Variants in DIAPH3 observed in about 807,000 individuals in gnomAD.
DIAPH3 encodes protein diaphanous homolog 3.
A neutral mutation model predicts 144.3 loss-of-function variants in DIAPH3; 117 were observed. That is an observed-to-expected ratio of 0.81 (90% CI 0.70 to 0.95). The LOEUF (loss-of-function observed/expected upper bound fraction) is 0.95. Among genes scored for constraint, DIAPH3 ranks in the 40% least tolerant of loss-of-function variants. The probability of loss-of-function intolerance (pLI) is 0.00; values close to 1 mark genes in which losing one functional copy is unlikely to be tolerated. For missense variants in DIAPH3, 1,421 were observed against 1,412.7 expected, an observed-to-expected ratio of 1.01 and a Z score of -0.09; for synonymous variants, 519 against 488.9, an observed-to-expected ratio of 1.06 and a Z score of -0.81.
intron 22 of DIAPH3, among the ~76,000 whole-genome samples, chr13:59,851,360 T>C (rs2042957898): frequency 6.6e-6 from 1 of 152,182 alleles, no homozygotes; most frequent in African/African-American, 2.4e-5. Flanking sequence ...CCAACATAAA[T>C]GGCCTCTCTA....
chr13:60,042,544 A>C lies in DIAPH3; in HGVS notation c.626+146T>G, dbSNP rs183925377. On this transcript the variant is annotated intron_variant, in intron 5 of 27. Coordinates refer to ENST00000400324, the MANE Select transcript of DIAPH3 (RefSeq NM_001042517.2). ...AAATGCAAAAGGTACTATTGAGACT[A>C]TATTTCTTCCTGCATATAAATATTA... 1.1e-5 allele frequency: 11 copies of C among 983,484 alleles called. No individual in the cohort carries two copies. The East Asian group carries it at 2.8e-4, about 25-fold the overall frequency. 60.9% of individuals were successfully genotyped at this position (983,484 alleles called of 1,614,324 possible).
At chr13:60,141,585 A>G (rs1198258755) in intron 1 of DIAPH3, among the ~76,000 whole-genome samples, 3 of 152,264 alleles carry the variant, frequency 2.0e-5, no homozygotes, top group Non-Finnish European at 4.4e-5. Flanking sequence ...TGATTCAGGT[A>G]AAACTTGGAA....
Position 59,851,056 on chromosome 13 carries a change from G to A in DIAPH3, c.2737+10351C>T, listed in dbSNP as rs1184272038. 3.3e-5 allele frequency among the ~76,000 whole-genome samples: 5 copies of A among 149,802 alleles called. No individual in the cohort carries two copies. The East Asian group carries it at 5.8e-4, about 18-fold the overall frequency. On this transcript the variant is annotated intron_variant, in intron 22 of 27. Coordinates refer to ENST00000400324, the MANE Select transcript of DIAPH3 (RefSeq NM_001042517.2). ...CCAGCATCATTCTGATACCAAAGCC[G>A]GGCAGAGACACAACCAAAAAAGAGA...
chr13:59,708,189 A>C (rs973286634), intron 27 of DIAPH3, among the ~76,000 whole-genome samples: 3 of 151,882 alleles, frequency 2.0e-5, no homozygotes, highest in Non-Finnish European at 2.9e-5. Flanking sequence ...CAGCCTCCCA[A>C]GTAGCTGAGA....
chr13:59,817,872 T>C (rs1295416455), intron 24 of DIAPH3, among the ~76,000 whole-genome samples: 1 of 151,976 alleles, frequency 6.6e-6, no homozygotes, highest in Non-Finnish European at 1.5e-5. Flanking sequence ...CTTTCTCCCT[T>C]GACTAAAATA....
At chr13:60,051,446 CCT>C (rs1469392783) in intron 4 of DIAPH3, among the ~76,000 whole-genome samples, 1 of 152,018 alleles carries the variant, frequency 6.6e-6, no homozygotes, top group African/African-American at 2.4e-5. Context: ...ATGTCAAAAC[CCT>C]GTCTCTATTA....
intron 8 of DIAPH3, among the ~76,000 whole-genome samples, chr13:60,009,046 G>C (rs2053067550): frequency 6.6e-6 from 1 of 152,124 alleles, no homozygotes; most frequent in African/African-American, 2.4e-5. Flanking sequence ...TGAAATGGTG[G>C]AGCAAGAATC....
intron 4 of DIAPH3, among the ~76,000 whole-genome samples, chr13:60,043,033 G>C (rs1261996172): frequency 6.6e-6 from 1 of 152,140 alleles, no homozygotes; most frequent in African/African-American, 2.4e-5. Context: ...ATCAGAAGGT[G>C]TGCAAATTGA....
chr13:59,864,830 G>A (rs1485383632), intron 21 of DIAPH3, among the ~76,000 whole-genome samples: 2 of 151,778 alleles, frequency 1.3e-5, no homozygotes, highest in Non-Finnish European at 2.9e-5. Context: ...CAGCATAATG[G>A]GAACAATCTA....
At chr13:60,021,837 GA>G (rs1041620284) in intron 5 of DIAPH3, among the ~76,000 whole-genome samples, 13 of 152,020 alleles carry the variant, frequency 8.6e-5, no homozygotes, top group African/African-American at 3.1e-4. Context: ...ACAACCACAA[GA>G]AATTGGGTTC....
At chr13:59,682,167 T>C (rs1230294136) in intron 27 of DIAPH3, among the ~76,000 whole-genome samples, 4 of 152,202 alleles carry the variant, frequency 2.6e-5, no homozygotes, top group Non-Finnish European at 5.9e-5. Flanking sequence ...TTGGAAAATA[T>C]TAGAAGCTAG....
At chr13:60,105,368 A>G (rs921378154) in intron 3 of DIAPH3, among the ~76,000 whole-genome samples, 1 of 152,160 alleles carries the variant, frequency 6.6e-6, no homozygotes, top group African/African-American at 2.4e-5. Context: ...AAATATTACC[A>G]TAACATTTAC....
chr13:59,970,784 T>G, intron 16 of DIAPH3, 68 bp downstream of exon 16: 3 of 1,354,256 alleles, frequency 2.2e-6, no homozygotes, highest in Non-Finnish European at 3.0e-6. Flanking sequence ...TTAGAAATTA[T>G]GTATATATAA....
At chr13:59,828,058 A>C (rs1447007470) in intron 24 of DIAPH3, among the ~76,000 whole-genome samples, 3 of 152,030 alleles carry the variant, frequency 2.0e-5, no homozygotes, top group Non-Finnish European at 4.4e-5. Context: ...TACATGAATA[A>C]AGGTATGAAC....
At chr13:60,003,476 T>C (rs1237554592) in intron 9 of DIAPH3, among the ~76,000 whole-genome samples, 1 of 151,584 alleles carries the variant, frequency 6.6e-6, no homozygotes, top group Admixed American at 6.6e-5. Flanking sequence ...TAGATTTATA[T>C]TTGTACTTTC....
intron 2 of DIAPH3, among the ~76,000 whole-genome samples, chr13:60,121,763 G>C (rs2058850761): frequency 6.6e-6 from 1 of 152,152 alleles, no homozygotes; most frequent in South Asian, 2.1e-4. Flanking sequence ...GAGAAGCAAA[G>C]GGGTGATTAC....
At chr13:59,795,533 C>T (rs1290628436) in intron 25 of DIAPH3, among the ~76,000 whole-genome samples, 3 of 151,296 alleles carry the variant, frequency 2.0e-5, no homozygotes, top group Non-Finnish European at 2.9e-5. Flanking sequence ...CAGCTCACTG[C>T]GAGCTCCGCC....
intron 20 of DIAPH3, among the ~76,000 whole-genome samples, chr13:59,896,004 C>G (rs1282193330): frequency 6.6e-6 from 1 of 152,152 alleles, no homozygotes; most frequent in Non-Finnish European, 1.5e-5. Context: ...ACCTTTTTCC[C>G]ACCTCCTGTG....
chr13:59,811,317 T>C (rs1207587010), intron 24 of DIAPH3, among the ~76,000 whole-genome samples: 1 of 152,176 alleles, frequency 6.6e-6, no homozygotes, highest in African/African-American at 2.4e-5. Flanking sequence ...AAGCAAATTA[T>C]CAAGTACAAG....
Sources: gnomAD v4.1 joint callset for allele counts (sites outside exome capture counted in the v4.1 genomes callset) on GRCh38, gnomAD v4.1.1 for gene constraint, MANE v1.5 for transcripts, NCBI Gene and HGNC (gene_info 2026-07-23, HGNC 2026-07-21) for gene names.